The following MTRES1 variants were observed in gnomAD, a reference collection of about 807,000 sequenced individuals.
The protein encoded by MTRES1 is uncharacterized protein C6orf203.
Under a neutral mutation model 17.4 loss-of-function variants are expected in MTRES1, and 11 were observed. That is an observed-to-expected ratio of 0.63 (90% confidence interval 0.40 to 1.05). The LOEUF (loss-of-function observed/expected upper bound fraction) is 1.05. Ranked by LOEUF, MTRES1 falls within the 50% of genes least tolerant of loss-of-function variation. The pLI is 0.00. For missense variants in MTRES1, 268 were observed against 276.2 expected (o/e 0.97, Z 0.21); for synonymous variants, 94 against 99.6 (o/e 0.94, Z 0.34).
intron 1 of MTRES1, among the ~76,000 whole-genome samples, chr6:107,030,683 G>GA (rs1379931975): frequency 1.3e-5 from 2 of 152,050 alleles, no homozygotes; most frequent in African/African-American, 4.8e-5. Flanking sequence ...CCGCCGCCCA[G>GA]AAAAAAAGCA....
At chr6:107,033,860 G>A (rs1012102948) in intron 1 of MTRES1, among the ~76,000 whole-genome samples, 1 of 152,052 alleles carries the variant, frequency 6.6e-6, no homozygotes, top group Non-Finnish European at 1.5e-5. Flanking sequence ...GCAGAATCTG[G>A]GTCCTCCCTT....
intron 3 of MTRES1, among the ~76,000 whole-genome samples, chr6:107,045,149 C>T (rs906222201): frequency 2.0e-5 from 3 of 149,894 alleles, no homozygotes; most frequent in African/African-American, 7.4e-5. Flanking sequence ...CATGCCAATG[C>T]ACTCCAGTTT....
rs1554226544 is a variant in MTRES1 at position 107,032,478 on chromosome 6, C to T, written c.-13+4207C>T. The stretch of plus-strand genomic sequence containing the variant: ...CTGTAATTCCAGCACTTTGGGAGGC[C>T]GAGGCAGGCGGATTACAAGGTTAGG... On this transcript the variant is annotated intron_variant, in intron 1 of 3. Transcript: ENST00000311381. Among the ~76,000 whole-genome samples the T allele has an allele frequency of 2.0e-5, 3 of 151,970 alleles. No homozygotes were observed. In the South Asian group the frequency reaches 6.2e-4, roughly 32 times the overall value.
chr6:107,036,327 T>C (rs1774005562), intron 1 of MTRES1, among the ~76,000 whole-genome samples: 1 of 151,720 alleles, frequency 6.6e-6, no homozygotes, highest in African/African-American at 2.4e-5. Context: ...ACAGATCACC[T>C]GAGGTCAGGA....
At chr6:107,033,820 A>AAAT (rs540521466) in intron 1 of MTRES1, among the ~76,000 whole-genome samples, 4 of 152,128 alleles carry the variant, frequency 2.6e-5, no homozygotes, top group South Asian at 2.1e-4. Context: ...TCCGTCTCAA[A>AAAT]AATAATAATA....
At chr6:107,043,398 G>C (rs1554228020) in intron 2 of MTRES1, among the ~76,000 whole-genome samples, 2 of 151,680 alleles carry the variant, frequency 1.3e-5, no homozygotes, top group Non-Finnish European at 1.5e-5. Flanking sequence ...TGCTTGAACA[G>C]TGTGGGGGTT....
Position 107,044,341 on chromosome 6 carries a change from C to G in MTRES1, c.543+9C>G. The G allele has an allele frequency of 6.2e-7, 1 of 1,606,976 alleles. No homozygotes were observed. The highest frequency in any genetic ancestry group is 8.5e-7 in the Non-Finnish European group (1 of 1,173,724). On this transcript the variant is annotated intron_variant, in intron 3 of 3. Transcript: ENST00000311381. ...GGAAGAAAAGCAGAACGGTGAGATACTAACCTAAAATGACAGCCAGATGTT... is the reference window on the plus strand; with the variant it reads ...GGAAGAAAAGCAGAACGGTGAGATAGTAACCTAAAATGACAGCCAGATGTT...
Position 107,051,045 on chromosome 6 carries a change from T to TAA in MTRES1, c.544-12_544-11insAA. The TAA allele has an allele frequency of 6.2e-7, 1 of 1,601,174 alleles. No individual in the cohort carries two copies. Among genetic ancestry groups the TAA allele is most frequent in the Non-Finnish European group, 8.5e-7 (1 of 1,172,582 alleles). ...AAGTGTAACCAAGCCTCTGTTTTCT[T>TAA]TTAATTTTCAGGTGAAAGTGGGAGA... is the stretch of plus-strand genomic sequence containing the variant. On this transcript the variant is annotated splice_polypyrimidine_tract_variant and intron_variant, in intron 3 of 3. Transcript: ENST00000311381.
chr6:107,048,889 G>T (rs1418053680), intron 3 of MTRES1, among the ~76,000 whole-genome samples: 3 of 151,986 alleles, frequency 2.0e-5, no homozygotes, highest in African/African-American at 7.3e-5. Flanking sequence ...AACCCAAGGG[G>T]AGAAACAGTC....
chr6:107,043,068 A>T (rs1774271194), intron 2 of MTRES1, among the ~76,000 whole-genome samples: 1 of 152,170 alleles, frequency 6.6e-6, no homozygotes, highest in Non-Finnish European at 1.5e-5. Context: ...GCGGTGGCTC[A>T]CGCCTGTAAT....
intron 1 of MTRES1, chr6:107,028,646 C>T (rs1773719077): frequency 6.6e-6 from 1 of 152,524 alleles, no homozygotes; most frequent in South Asian, 2.1e-4. Context: ...AGGGAAGGAT[C>T]TTTAGCTGCA....
intron 1 of MTRES1, chr6:107,030,120 T>C: frequency 1.4e-6 from 1 of 718,516 alleles, no homozygotes; most frequent in Middle Eastern, 2.3e-4. Flanking sequence ...AAGTGCTTAA[T>C]TAAGGGGAGG....
intron 1 of MTRES1, 65 bp from the exon 2 acceptor site, chr6:107,039,684 T>A: frequency 6.7e-7 from 1 of 1,502,370 alleles, no homozygotes; most frequent in Non-Finnish European, 8.9e-7. Flanking sequence ...GTGCATATGG[T>A]TTATGTTGTA....
At chr6:107,030,435 A>G (rs1773797746) in intron 1 of MTRES1, among the ~76,000 whole-genome samples, 1 of 152,220 alleles carries the variant, frequency 6.6e-6, no homozygotes, top group Non-Finnish European at 1.5e-5. Context: ...GTGATTTATT[A>G]TAGCAAAAGG....
chr6:107,040,770 G>A (rs77827460), intron 2 of MTRES1: 12,629 of 151,948 alleles, frequency 0.083, 1,030 homozygotes, highest in East Asian at 0.33. Context: ...TTGAGAGGCT[G>A]AGGCAGGAGA....
chr6:107,046,756 C>T (rs1350685139), intron 3 of MTRES1, among the ~76,000 whole-genome samples: 1 of 152,118 alleles, frequency 6.6e-6, no homozygotes. Context: ...AGCTGAAAAC[C>T]AGGTGAAGCC....
chr6:107,034,070 C>T (rs782664753), intron 1 of MTRES1, among the ~76,000 whole-genome samples: 4 of 152,158 alleles, frequency 2.6e-5, no homozygotes, highest in Admixed American at 6.6e-5. Context: ...GAATACGTGG[C>T]TTGACATTTT....
At position 107,039,926 on chromosome 6, in the gene MTRES1, A is replaced by G. The variant is rs1554227420; in HGVS notation, c.166A>G (p.Lys56Glu). 1.2e-6 allele frequency: 2 copies of G among 1,613,814 alleles called. No homozygotes were observed. Among genetic ancestry groups the G allele is most frequent in the Admixed American group, 3.3e-5 (2 of 60,012 alleles). ...SSTKLRAPNY[K>E]TLFYNIFSLR... ...TACCAAGTTACGTGCACCAAATTAT[A>G]AAACACTTTTTTATAATATTTTCTC... Residue 56 changes from lysine (K) to glutamate (E), a missense_variant, in exon 2 of 4, where the codon AAA (lysine) becomes GAA (glutamate). Transcript: ENST00000311381.
At chr6:107,033,104 T>G (rs1773896433) in intron 1 of MTRES1, among the ~76,000 whole-genome samples, 1 of 152,128 alleles carries the variant, frequency 6.6e-6, no homozygotes, top group Non-Finnish European at 1.5e-5. Flanking sequence ...GGATGCTCAT[T>G]TCATTTCTAG....
Sources: allele counts gnomAD v4.1 joint callset (sites outside exome capture counted in the v4.1 genomes callset), GRCh38; gene constraint gnomAD v4.1.1; transcripts MANE v1.5; gene names NCBI Gene and HGNC (gene_info 2026-07-23, HGNC 2026-07-21).